The following IQCM variants were observed in gnomAD, a reference collection of about 807,000 sequenced individuals.
IQCM encodes the protein IQ motif containing M, also known as IQ domain-containing protein M.
A neutral mutation model predicts 57.6 loss-of-function variants in IQCM; 45 were observed. The ratio of observed to expected loss-of-function variants is 0.78; its 90% confidence interval spans 0.62 to 1.00. The LOEUF is 1.00. Ranked by LOEUF, IQCM falls within the 50% of genes least tolerant of loss-of-function variation. The pLI is 0.00. For synonymous variants in IQCM, 148 were observed against 158.9 expected, an observed-to-expected ratio of 0.93 and a Z score of 0.51; for missense variants, 468 against 511.6, an observed-to-expected ratio of 0.91 and a Z score of 0.82.
intron 5 of IQCM, among the ~76,000 whole-genome samples, chr4:149,698,380 T>C (rs1763499811): frequency 6.6e-6 from 1 of 152,130 alleles, no homozygotes; most frequent in Non-Finnish European, 1.5e-5. Context: ...TGGCCTAGCA[T>C]ATATTAGGCA....
At chr4:149,454,958 G>A (rs1412724276) in intron 12 of IQCM, among the ~76,000 whole-genome samples, 2 of 151,908 alleles carry the variant, frequency 1.3e-5, no homozygotes, top group East Asian at 3.9e-4. Flanking sequence ...ATGGTTGCAC[G>A]ACTCTGTGAA....
At chr4:149,794,345 G>A (rs1028881888) in intron 2 of IQCM, among the ~76,000 whole-genome samples, 6 of 152,214 alleles carry the variant, frequency 3.9e-5, no homozygotes, top group African/African-American at 1.4e-4. Flanking sequence ...TTTCTGTGAA[G>A]TGCTACACTC....
Position 149,804,279 on chromosome 4 carries a change from G to A in IQCM, c.-49+11032C>T, listed in dbSNP as rs1226528168. Among the ~76,000 whole-genome samples, 5 of 152,026 alleles carry A rather than the reference G, an allele frequency of 3.3e-5. No homozygotes were observed. The South Asian group carries it at 6.2e-4, about 19-fold the overall frequency. Reference sequence around the variant, plus strand: ...ATCTTCACCATGACAACCTAGTAGAGCTCCTGGACACAAAATTTACAAAGT... The same window carrying A: ...ATCTTCACCATGACAACCTAGTAGAACTCCTGGACACAAAATTTACAAAGT... On this transcript the variant is annotated intron_variant, in intron 2 of 13. Coordinates refer to ENST00000636793, the MANE Select transcript of IQCM (RefSeq NM_001363507.2).
At chr4:149,489,767 A>ATG (rs1223036690) in intron 12 of IQCM, among the ~76,000 whole-genome samples, 41 of 151,738 alleles carry the variant, frequency 2.7e-4, no homozygotes, top group African/African-American at 8.7e-4. Context: ...CAATACATAT[A>ATG]TGTGTGTGTG....
chr4:149,403,992 T>A (rs1298261248), intron 13 of IQCM, among the ~76,000 whole-genome samples: 2 of 151,992 alleles, frequency 1.3e-5, no homozygotes, highest in Non-Finnish European at 2.9e-5. Context: ...AAATAAATAT[T>A]TCTTTAATTA....
At chr4:149,742,793 T>C (rs1767579314) in intron 2 of IQCM, 54 bp from the exon 3 acceptor site, 5 of 858,210 alleles carry the variant, frequency 5.8e-6, no homozygotes, top group Admixed American at 8.6e-5. Context: ...TATTTTTAGC[T>C]ATTTCTTTTG....
intron 13 of IQCM, among the ~76,000 whole-genome samples, chr4:149,409,673 A>G (rs1029419060): frequency 1.3e-5 from 2 of 152,172 alleles, no homozygotes; most frequent in Non-Finnish European, 2.9e-5. Context: ...ATTCTGCCTA[A>G]TGAGCTGGGA....
chr4:149,644,903 A>G (rs1482603098), intron 7 of IQCM, among the ~76,000 whole-genome samples: 1 of 152,190 alleles, frequency 6.6e-6, no homozygotes, highest in Non-Finnish European at 1.5e-5. Flanking sequence ...CTGGAATTAA[A>G]TTTTACTTGG....
intron 12 of IQCM, among the ~76,000 whole-genome samples, chr4:149,495,201 G>C (rs146559419): frequency 6.6e-6 from 1 of 152,222 alleles, no homozygotes; most frequent in East Asian, 1.9e-4. Context: ...ATATATTCCA[G>C]GGACTCTCTT....
Position 149,592,738 on chromosome 4 carries a change from G to C in IQCM, c.682-4741C>G, listed in dbSNP as rs191726354. On this transcript the variant is annotated intron_variant, in intron 8 of 13. Transcript: ENST00000636793. The stretch of plus-strand genomic sequence containing the variant: ...AATCCTTTCCCCATTTCTTGTTTTT[G>C]TCAGGTTTGTCAAAGATCAGATGGT... 7.4e-3 allele frequency among the ~76,000 whole-genome samples: 1,118 copies of C among 151,954 alleles called. 18 individuals are homozygous for C. Among genetic ancestry groups the C allele is most frequent in the African/African-American group, 0.026 (1,064 of 41,484 alleles).
At chr4:149,393,863 A>T (rs1482725924) in intron 13 of IQCM, among the ~76,000 whole-genome samples, 1 of 152,030 alleles carries the variant, frequency 6.6e-6, no homozygotes, top group Non-Finnish European at 1.5e-5. Flanking sequence ...TGGAAAAAGG[A>T]TTCCAAGAGG....
intron 7 of IQCM, among the ~76,000 whole-genome samples, chr4:149,677,604 T>C (rs535943808): frequency 6.6e-6 from 1 of 152,148 alleles, no homozygotes; most frequent in South Asian, 2.1e-4. Flanking sequence ...AAATTAATCT[T>C]ACAATGCAAA....
intron 12 of IQCM, among the ~76,000 whole-genome samples, chr4:149,513,619 A>G (rs1744642451): frequency 6.6e-6 from 1 of 152,180 alleles, no homozygotes; most frequent in Admixed American, 6.5e-5. Context: ...TGGTGGAGTT[A>G]GGTTTCATGT....
intron 13 of IQCM, among the ~76,000 whole-genome samples, chr4:149,426,394 T>G (rs1345664830): frequency 6.6e-6 from 1 of 152,112 alleles, no homozygotes. Context: ...TAAAAGTCAC[T>G]AATCACTGAC....
chr4:149,676,454 G>A (rs939199830), intron 7 of IQCM, among the ~76,000 whole-genome samples: 7 of 152,020 alleles, frequency 4.6e-5, no homozygotes, highest in Admixed American at 3.3e-4. Context: ...ACTAATTATG[G>A]TAGCTCAATT....
At chr4:149,363,176 G>A (rs1729609741) in intron 13 of IQCM, among the ~76,000 whole-genome samples, 1 of 152,170 alleles carries the variant, frequency 6.6e-6, no homozygotes, top group East Asian at 1.9e-4. Context: ...AGAAATGTCA[G>A]GAGAGGGCCT....
chr4:149,564,371 T>C (rs1236448325), intron 9 of IQCM, among the ~76,000 whole-genome samples: 1 of 152,174 alleles, frequency 6.6e-6, no homozygotes, highest in African/African-American at 2.4e-5. Context: ...GCCTATAGGA[T>C]CAGCAGATGG....
chr4:149,408,460 A>T (rs1733139081), intron 13 of IQCM, among the ~76,000 whole-genome samples: 1 of 152,142 alleles, frequency 6.6e-6, no homozygotes, highest in South Asian at 2.1e-4. Context: ...TGTTTCTTTT[A>T]CCTCTGAATG....
At chr4:149,547,308 G>A (rs1748546395) in intron 12 of IQCM, among the ~76,000 whole-genome samples, 1 of 152,106 alleles carries the variant, frequency 6.6e-6, no homozygotes, top group Non-Finnish European at 1.5e-5. Flanking sequence ...CTGGTATTCA[G>A]TCTTTAAAAA....
Sources: allele counts gnomAD v4.1 joint callset (sites outside exome capture counted in the v4.1 genomes callset), GRCh38; gene constraint gnomAD v4.1.1; transcripts MANE v1.5; gene names NCBI Gene and HGNC (gene_info 2026-07-23, HGNC 2026-07-21).